SRPK1: variants seen among roughly 807,000 people sequenced by gnomAD.
SRPK1 encodes the protein SFRS protein kinase 1.
SRPK1 carries 52 observed loss-of-function variants against 89.5 expected under a neutral mutation model. That is an observed-to-expected ratio of 0.58 (90% confidence interval 0.46 to 0.73). The LOEUF is 0.73. Among genes scored for constraint, SRPK1 ranks in the 30% least tolerant of loss-of-function variants. The pLI is 0.00. For missense variants in SRPK1, 603 were observed against 780.6 expected (o/e 0.77, Z 2.71); for synonymous variants, 255 against 270.2 (o/e 0.94, Z 0.55).
intron 2 of SRPK1, among the ~76,000 whole-genome samples, chr6:35,896,163 C>G (rs903053665): frequency 6.6e-6 from 1 of 152,206 alleles, no homozygotes; most frequent in Non-Finnish European, 1.5e-5. Context: ...GGGCTTGCAA[C>G]TGGCACTGGA....
At chr6:35,846,007 C>A (rs893775323) in intron 13 of SRPK1, among the ~76,000 whole-genome samples, 1 of 152,160 alleles carries the variant, frequency 6.6e-6, no homozygotes, top group Non-Finnish European at 1.5e-5. Context: ...AATTCCAGAG[C>A]AGGGCTGGAG....
At chr6:35,854,251 C>T (rs1020339913) in intron 13 of SRPK1, among the ~76,000 whole-genome samples, 1 of 152,012 alleles carries the variant, frequency 6.6e-6, no homozygotes, top group Non-Finnish European at 1.5e-5. Context: ...ACACCTGGGC[C>T]CCCTTTTCCC....
chr6:35,903,739 T>C (rs1770793133), intron 2 of SRPK1, among the ~76,000 whole-genome samples: 1 of 152,176 alleles, frequency 6.6e-6, no homozygotes, highest in Non-Finnish European at 1.5e-5. Flanking sequence ...TATTAAAATT[T>C]CTGAAACTTC....
rs753066315 is a variant in SRPK1, at chr6:35,869,857, C to A, written c.1036G>T (p.Asp346Tyr). 3 of 1,600,800 alleles carry A rather than the reference C, an allele frequency of 1.9e-6. No homozygotes were observed. The South Asian group carries it at 3.4e-5, about 18-fold the overall frequency. The change falls in exon 11 of 16, where the codon GAT (aspartate) becomes TAT (tyrosine). Residue 346 changes from aspartate to tyrosine, a missense_variant. Asp to Tyr is a radical substitution (Grantham distance 160). Transcript: ENST00000373825. ...IGQDQTLMER[D>Y]TEGGAAEINC... ...ATTTCTGCTGCACCACCCTCTGTAT[C>A]ACGTTCCATAAGCGTTTGATCCTGG...
Position 35,835,214 on chromosome 6 carries a change from AG to A in SRPK1, c.*89del, listed in dbSNP as rs1233196771. On this transcript the variant is annotated 3_prime_UTR_variant, in exon 16 of 16. Transcript: ENST00000373825. Reference sequence around the variant, plus strand: ...AAGATCTAGAAACTCTTGAAGGAAGAGCTTCACCCTGAAAAGGGAAGAGGAA... The same window carrying A: ...AAGATCTAGAAACTCTTGAAGGAAGACTTCACCCTGAAAAGGGAAGAGGAA... The A allele has an allele frequency of 2.8e-5, 32 of 1,135,632 alleles. No individual in the cohort carries two copies. In the African/African-American group the frequency reaches 4.5e-4, roughly 16 times the overall value. The allele number at this position is 1,135,632 out of a possible 1,614,324, so 70.3% of individuals were successfully genotyped here.
intron 2 of SRPK1, among the ~76,000 whole-genome samples, chr6:35,891,369 G>A (rs999822517): frequency 6.6e-6 from 1 of 152,002 alleles, no homozygotes; most frequent in African/African-American, 2.4e-5. Context: ...AAACAAATTT[G>A]CATCTGGCTT....
intron 13 of SRPK1, among the ~76,000 whole-genome samples, chr6:35,847,150 G>A (rs938676771): frequency 2.0e-5 from 3 of 152,184 alleles, no homozygotes; most frequent in African/African-American, 7.2e-5. Context: ...CCTTACTAGA[G>A]CAATTAAAAG....
At chr6:35,860,180 A>G (rs1769751678) in intron 12 of SRPK1, among the ~76,000 whole-genome samples, 1 of 152,106 alleles carries the variant, frequency 6.6e-6, no homozygotes, top group African/African-American at 2.4e-5. Flanking sequence ...ATGCAGAGAC[A>G]CTGCTATGGT....
chr6:35,851,565 G>A (rs1554150000), intron 13 of SRPK1, among the ~76,000 whole-genome samples: 1 of 152,184 alleles, frequency 6.6e-6, no homozygotes, highest in Non-Finnish European at 1.5e-5. Context: ...TAACCTAAAA[G>A]GTTCAGGTTC....
chr6:35,835,161 A>C lies in SRPK1; in HGVS notation c.*143T>G. 1.2e-6 allele frequency: 1 copy of C among 810,070 alleles called. No homozygotes were observed. The highest frequency in any genetic ancestry group is 1.9e-6 in the Non-Finnish European group (1 of 539,122). 50.2% of individuals were successfully genotyped at this position (810,070 alleles called of 1,614,324 possible). A position where few individuals can be genotyped will look rare whatever the true frequency, so the allele number is the denominator to read the frequency against. ...CCACAGGGTCAAGTAAGCAAACCCA[A>C]ATGAACATGTTGGATTAAAAAAAAA... On this transcript the variant is annotated 3_prime_UTR_variant, in exon 16 of 16. Transcript: ENST00000373825.
intron 6 of SRPK1, among the ~76,000 whole-genome samples, 179 bp downstream of exon 6, chr6:35,886,543 GAA>G (rs1770413399): frequency 6.6e-6 from 1 of 152,150 alleles, no homozygotes; most frequent in South Asian, 2.1e-4. Flanking sequence ...GCAATATTCT[GAA>G]AAATCACACC....
intron 12 of SRPK1, among the ~76,000 whole-genome samples, chr6:35,862,320 C>T (rs1172377417): frequency 6.6e-6 from 1 of 152,108 alleles, no homozygotes; most frequent in Non-Finnish European, 1.5e-5. Context: ...CAAAGACTGG[C>T]TCAGCTGGCA....
intron 2 of SRPK1, among the ~76,000 whole-genome samples, chr6:35,900,020 T>TA (rs989188485): frequency 2.7e-5 from 4 of 149,268 alleles, no homozygotes; most frequent in Non-Finnish European, 5.9e-5. Context: ...ATAATAATAA[T>TA]AAAAAAATAA....
intron 3 of SRPK1, among the ~76,000 whole-genome samples, chr6:35,889,575 G>C (rs1205653346): frequency 6.6e-6 from 1 of 151,520 alleles, no homozygotes; most frequent in East Asian, 2.0e-4. Context: ...CCTGAGGTCA[G>C]GAGTTTGAGA....
At chr6:35,919,540 G>A (rs1218689690) in intron 2 of SRPK1, among the ~76,000 whole-genome samples, 1 of 152,128 alleles carries the variant, frequency 6.6e-6, no homozygotes, top group Non-Finnish European at 1.5e-5. Context: ...TAATAACTAG[G>A]CATACAAGCT....
chr6:35,879,531 G>A (rs1023488238), intron 6 of SRPK1, among the ~76,000 whole-genome samples: 1 of 152,138 alleles, frequency 6.6e-6, no homozygotes, highest in African/African-American at 2.4e-5. Context: ...CTTGGCAAGA[G>A]AGTGAGATCC....
chr6:35,837,643 C>T (rs1339959752), intron 15 of SRPK1, among the ~76,000 whole-genome samples: 1 of 151,884 alleles, frequency 6.6e-6, no homozygotes, highest in African/African-American at 2.4e-5. Flanking sequence ...GCAGCCTTGA[C>T]CTCCCAGGCT....
intron 14 of SRPK1, chr6:35,838,653 G>C (rs189282369): frequency 6.5e-7 from 1 of 1,536,196 alleles, no homozygotes; most frequent in Non-Finnish European, 8.8e-7. Context: ...AACAATCTTG[G>C]TGTGAATGCT....
At chr6:35,917,860 T>C (rs1263787821) in intron 2 of SRPK1, among the ~76,000 whole-genome samples, 1 of 152,250 alleles carries the variant, frequency 6.6e-6, no homozygotes, top group Non-Finnish European at 1.5e-5. Context: ...TCAGGATATA[T>C]ACATAAGACT....
Sources: allele counts gnomAD v4.1 joint callset (sites outside exome capture counted in the v4.1 genomes callset), GRCh38; gene constraint gnomAD v4.1.1; transcripts MANE v1.5; gene names NCBI Gene and HGNC (gene_info 2026-07-23, HGNC 2026-07-21).